The following CCDC152 variants were observed in gnomAD, a reference collection of about 807,000 sequenced individuals.
CCDC152 encodes the protein coiled-coil domain-containing protein 152.
CCDC152 carries 37 observed loss-of-function variants against 38.1 expected under a neutral mutation model. The observed-to-expected ratio is 0.97, with a 90% CI of 0.75 to 1.28. The LOEUF is 1.28. Among genes scored for constraint, CCDC152 ranks in the 50% most tolerant of loss-of-function variants. The pLI is 0.00. For missense variants in CCDC152, 259 were observed against 292.1 expected (o/e 0.89, Z 0.83); for synonymous variants, 83 against 87.1 (o/e 0.95, Z 0.26).
rs1184674011 is a variant in CCDC152 at position 42,799,654 on chromosome 5, T to G, written c.643-5T>G. On this transcript the variant is annotated splice_region_variant and splice_polypyrimidine_tract_variant and intron_variant, in intron 8 of 8. Coordinates refer to ENST00000361970, the MANE Select transcript of CCDC152 (RefSeq NM_001134848.2). Reference sequence around the variant, plus strand: ...TTCTAATAACAAATTTTTTGTTTCGTTTAGAAACTTCAGCATTTTCAAGAA... The same window carrying G: ...TTCTAATAACAAATTTTTTGTTTCGGTTAGAAACTTCAGCATTTTCAAGAA... 2 of 1,538,392 alleles carry G rather than the reference T, an allele frequency of 1.3e-6. No individual in the cohort carries two copies. The highest frequency in any genetic ancestry group is 4.1e-5 in the Admixed American group (2 of 48,380).
Position 42,801,077 on chromosome 5 carries a change from C to T in CCDC152, c.*1296C>T, listed in dbSNP as rs146125471. On this transcript the variant is annotated 3_prime_UTR_variant, in exon 9 of 9. Coordinates refer to ENST00000361970, the MANE Select transcript of CCDC152 (RefSeq NM_001134848.2). ...AATCTTGTAAATCTTCACTTGCTGG[C>T]ATATCTCGGTTCTCTGGGTGACCCT... 2.8e-3 allele frequency: 4,519 copies of T among 1,614,138 alleles called. 30 individuals carry two copies. The highest frequency in any genetic ancestry group is 0.021 in the Middle Eastern group (130 of 6,062).
chr5:42,798,869 C>T (rs989630428), intron 7 of CCDC152, among the ~76,000 whole-genome samples: 2 of 152,158 alleles, frequency 1.3e-5, no homozygotes, highest in Non-Finnish European at 2.9e-5. Context: ...AGGGTTCAAA[C>T]TATATCGACA....
chr5:42,777,505 T>A (rs1337094101), intron 4 of CCDC152, among the ~76,000 whole-genome samples: 3 of 150,786 alleles, frequency 2.0e-5, no homozygotes, highest in African/African-American at 7.3e-5. Flanking sequence ...AATAAAGGAA[T>A]ACTCTGAACA....
intron 3 of CCDC152, among the ~76,000 whole-genome samples, chr5:42,763,484 A>G (rs61632162): frequency 0.011 from 1,652 of 152,232 alleles, 35 homozygotes; most frequent in African/African-American, 0.038. Flanking sequence ...AAGACACAGT[A>G]TGGAAAGGGT....
At chr5:42,783,208 AAAAAT>A (rs1219260779) in intron 5 of CCDC152, among the ~76,000 whole-genome samples, 3 of 152,094 alleles carry the variant, frequency 2.0e-5, no homozygotes, top group Admixed American at 1.3e-4. Flanking sequence ...TATACATACA[AAAAAT>A]AAAATAAAAT....
intron 6 of CCDC152, among the ~76,000 whole-genome samples, chr5:42,783,799 G>A (rs1054823743): frequency 8.2e-6 from 1 of 122,266 alleles, no homozygotes; most frequent in Non-Finnish European, 1.6e-5. Flanking sequence ...TTATGTCAAT[G>A]ACTACCCATT....
At chr5:42,774,398 C>A (rs1312361158) in intron 4 of CCDC152, among the ~76,000 whole-genome samples, 1 of 152,096 alleles carries the variant, frequency 6.6e-6, no homozygotes, top group Non-Finnish European at 1.5e-5. Flanking sequence ...AGAAAAGTAA[C>A]CATTTTGAAA....
chr5:42,770,514 G>A (rs1759682760), intron 4 of CCDC152, among the ~76,000 whole-genome samples: 1 of 150,754 alleles, frequency 6.6e-6, no homozygotes, highest in Non-Finnish European at 1.5e-5. Context: ...TTTTTTAACA[G>A]TGCTGTACTG....
At chr5:42,784,913 C>T (rs1197642292) in intron 6 of CCDC152, among the ~76,000 whole-genome samples, 1 of 151,768 alleles carries the variant, frequency 6.6e-6, no homozygotes, top group East Asian at 1.9e-4. Context: ...TAGTTTGTTG[C>T]AGGTGTGTGG....
At chr5:42,799,299 A>C in intron 7 of CCDC152, 76 bp from the exon 8 acceptor site, 2 of 736,806 alleles carry the variant, frequency 2.7e-6, no homozygotes, top group Non-Finnish European at 4.5e-6. Context: ...TCAAAGGATA[A>C]CATGGATTAT....
chr5:42,775,865 G>C (rs888648299), intron 4 of CCDC152, among the ~76,000 whole-genome samples: 2 of 150,900 alleles, frequency 1.3e-5, no homozygotes, highest in Admixed American at 1.3e-4. Flanking sequence ...ATTTGAAAGT[G>C]GACCTGAATT....
intron 6 of CCDC152, among the ~76,000 whole-genome samples, chr5:42,791,383 A>T (rs984672855): frequency 1.3e-5 from 2 of 152,186 alleles, no homozygotes; most frequent in African/African-American, 4.8e-5. Context: ...TGCCATCCCC[A>T]TGGGTATTAA....
chr5:42,792,584 G>A (rs2111592537), intron 6 of CCDC152, among the ~76,000 whole-genome samples: 1 of 152,208 alleles, frequency 6.6e-6, no homozygotes, highest in South Asian at 2.1e-4. Context: ...TAACACCATT[G>A]TATACTAGGA....
chr5:42,790,271 A>G (rs1437152531), intron 6 of CCDC152, among the ~76,000 whole-genome samples: 1 of 152,222 alleles, frequency 6.6e-6, no homozygotes, highest in Admixed American at 6.5e-5. Flanking sequence ...TGGGAGTTCG[A>G]GTTCAGGCAC....
Position 42,779,619 on chromosome 5 carries a change from C to G in CCDC152, c.327+97C>G, listed in dbSNP as rs141897336. The G allele has an allele frequency of 4.3e-6, 3 of 700,776 alleles. No homozygotes were observed. In the South Asian group the frequency reaches 6.2e-5, roughly 15 times the overall value. 43.4% of individuals were successfully genotyped at this position (700,776 alleles called of 1,614,324 possible). ...GAGGTTTTTAAATTAATAAACACAG[C>G]CAAATGTTTGTGGGTGTGTGTGTGT... On this transcript the variant is annotated intron_variant, in intron 5 of 8. Coordinates refer to ENST00000361970, the MANE Select transcript of CCDC152 (RefSeq NM_001134848.2).
chr5:42,768,896 G>C (rs931451737), intron 3 of CCDC152, among the ~76,000 whole-genome samples: 10 of 152,150 alleles, frequency 6.6e-5, no homozygotes, highest in African/African-American at 2.4e-4. Flanking sequence ...ATACTATTCT[G>C]TGCTTTAGGA....
chr5:42,766,345 G>A (rs536196068), intron 3 of CCDC152, among the ~76,000 whole-genome samples: 3 of 152,046 alleles, frequency 2.0e-5, no homozygotes, highest in Non-Finnish European at 4.4e-5. Context: ...TCACTATGAA[G>A]AACAGCCTGG....
At chr5:42,761,089 A>G (rs1759546645) in intron 2 of CCDC152, among the ~76,000 whole-genome samples, 1 of 152,182 alleles carries the variant, frequency 6.6e-6, no homozygotes, top group African/African-American at 2.4e-5. Flanking sequence ...AGACTAGGGC[A>G]GTGGATAGAG....
chr5:42,773,390 A>G (rs1759727297), intron 4 of CCDC152, among the ~76,000 whole-genome samples: 1 of 152,292 alleles, frequency 6.6e-6, no homozygotes, highest in Admixed American at 6.5e-5. Flanking sequence ...AAATTTAATA[A>G]CTGGGATAAT....
Sources: gnomAD v4.1 joint callset for allele counts (sites outside exome capture counted in the v4.1 genomes callset) on GRCh38, gnomAD v4.1.1 for gene constraint, MANE v1.5 for transcripts, NCBI Gene and HGNC (gene_info 2026-07-23, HGNC 2026-07-21) for gene names.